Variants in AEN observed in about 807,000 individuals in gnomAD.
AEN encodes apoptosis-enhancing nuclease.
Under a neutral mutation model 17.7 loss-of-function variants are expected in AEN, and 21 were observed. The observed-to-expected ratio is 1.19, with a 90% confidence interval of 0.84 to 1.71. The LOEUF is 1.71. AEN is among the 40% of genes most tolerant of loss of function. The pLI, the probability that AEN is intolerant of heterozygous loss-of-function variation, is 0.00. For synonymous variants in AEN, 190 were observed against 173.0 expected (o/e 1.10, Z -0.77); for missense variants, 462 against 435.9 (o/e 1.06, Z -0.53).
the AEN span, among the ~76,000 whole-genome samples, chr15:88,605,336 G>A: frequency 6.6e-6 from 1 of 152,164 alleles, no homozygotes; most frequent in South Asian, 2.1e-4. This position sits in a 1 kb window ranked among gnomAD's most constrained non-coding sequence, Gnocchi z 7.6. Context: ...GCCGCCCCAA[G>A]CCCGCCGTCG....
upstream of AEN, among the ~76,000 whole-genome samples, chr15:88,620,461 A>T (rs533715979): frequency 6.6e-6 from 1 of 151,430 alleles, no homozygotes; most frequent in African/African-American, 2.4e-5. Context: ...CCCAGGCTGG[A>T]TGGAGTGCAA....
Position 88,630,469 on chromosome 15 carries a change from C to T in AEN, c.*175C>T. 1.6e-6 allele frequency: 1 copy of T among 617,074 alleles called. No individual in the cohort carries two copies. 38.2% of individuals were successfully genotyped at this position (617,074 alleles called of 1,614,324 possible). A position where few individuals can be genotyped will look rare whatever the true frequency, so the allele number is the denominator to read the frequency against. On this transcript the variant is annotated 3_prime_UTR_variant, in exon 4 of 4. Coordinates refer to ENST00000332810, the MANE Select transcript of AEN (RefSeq NM_022767.4). This position sits in a 1 kb window ranked among gnomAD's most constrained non-coding sequence, Gnocchi z 5.1. ...TGACACCCTCTGCACACAGCATAGCCCTCTCTCTCTCCAGGGCTGTTGGTT... is the reference window on the plus strand; with the variant it reads ...TGACACCCTCTGCACACAGCATAGCTCTCTCTCTCTCCAGGGCTGTTGGTT...
upstream of AEN, among the ~76,000 whole-genome samples, chr15:88,620,775 C>T (rs1051387222): frequency 2.0e-5 from 3 of 152,124 alleles, no homozygotes; most frequent in Non-Finnish European, 2.9e-5. Context: ...ACTCAGGATG[C>T]TTATGTGTTT....
At chr15:88,613,419 C>T in the AEN span, among the ~76,000 whole-genome samples, 2 of 152,196 alleles carry the variant, frequency 1.3e-5, no homozygotes, top group African/African-American at 4.8e-5. Flanking sequence ...TGTCACTCAG[C>T]AGGTATCTGT....
chr15:88,629,158 C>G, intron 2 of AEN, 68 bp from the exon 3 acceptor site: 1 of 1,517,374 alleles, frequency 6.6e-7, no homozygotes, highest in Non-Finnish European at 9.1e-7. Context: ...CAGGGGTTCT[C>G]AGGGCGTGTC....
the AEN span, among the ~76,000 whole-genome samples, chr15:88,611,662 T>A: frequency 1.3e-5 from 2 of 152,016 alleles, no homozygotes; most frequent in Non-Finnish European, 2.9e-5. Flanking sequence ...AAGGGAAAAG[T>A]AAGAAAAAAT....
At chr15:88,618,697 G>A (rs2057758031), upstream of AEN, among the ~76,000 whole-genome samples, 1 of 152,188 alleles carries the variant, frequency 6.6e-6, no homozygotes, top group Non-Finnish European at 1.5e-5. Context: ...GATAAACATT[G>A]TTTACATTAA....
intron 1 of AEN, among the ~76,000 whole-genome samples, chr15:88,622,139 T>C (rs1403667532): frequency 6.6e-6 from 1 of 152,156 alleles, no homozygotes; most frequent in Non-Finnish European, 1.5e-5. Context: ...TCTGACTTCT[T>C]GGTTCCTTTG....
Position 88,630,259 on chromosome 15 carries a change from G to A in AEN, c.943G>A (p.Gly315Arg). The A allele has an allele frequency of 6.3e-7, 1 of 1,593,074 alleles. No individual in the cohort carries two copies. ...WPDDLAHGSRGGAREAQDRRN is the reference protein window; with the variant it reads ...WPDDLAHGSRRGAREAQDRRN ...CGATGACCTGGCCCACGGCAGCAGA[G>A]GAGGAGCCAGGGAGGCACAGGACAG... The change falls in exon 4 of 4, where the codon GGA (glycine) becomes AGA (arginine). Residue 315 changes from glycine to arginine, a missense_variant. Transcript: ENST00000332810. This position sits in a 1 kb window ranked among gnomAD's most constrained non-coding sequence, Gnocchi z 5.1.
In AEN at chr15:88,626,588, A is replaced by G. The variant is rs1182142659; in HGVS notation, c.379A>G (p.Ser127Gly). 2 of 1,614,034 alleles carry G rather than the reference A, an allele frequency of 1.2e-6. No homozygotes were observed. The highest frequency in any genetic ancestry group is 1.7e-6 in the Non-Finnish European group (2 of 1,180,062). Residue 127 changes from serine to glycine, a missense_variant, in exon 2 of 4, where the codon AGC (serine) becomes GGC (glycine). By Grantham distance (56) the Ser-to-Gly change is moderately conservative (BLOSUM62 0). Coordinates refer to ENST00000332810, the MANE Select transcript of AEN (RefSeq NM_022767.4). ...MVGTGPRGRV[S>G]ELARCSIVSY... ...GGGCACGGGACCCCGAGGGCGGGTA[A>G]GCGAGCTGGCCCGCTGTTCCATTGT... is the stretch of plus-strand genomic sequence containing the variant.
chr15:88,623,973 A>G (rs530185870), intron 1 of AEN, among the ~76,000 whole-genome samples: 5 of 152,360 alleles, frequency 3.3e-5, no homozygotes, highest in Admixed American at 2.6e-4. Context: ...TTTGCCCCTA[A>G]CATGGCCACT....
At chr15:88,622,774 T>C (rs539107490) in intron 1 of AEN, among the ~76,000 whole-genome samples, 1 of 152,342 alleles carries the variant, frequency 6.6e-6, no homozygotes, top group East Asian at 1.9e-4. Flanking sequence ...GTTTTGGGTC[T>C]GGTGCGTGGC....
upstream of AEN, among the ~76,000 whole-genome samples, chr15:88,617,538 C>T (rs1049290534): frequency 1.3e-5 from 2 of 152,188 alleles, no homozygotes; most frequent in Non-Finnish European, 2.9e-5. Flanking sequence ...CAGGCGTGAG[C>T]CACAGCGCCC....
upstream of AEN, among the ~76,000 whole-genome samples, chr15:88,617,537 G>T (rs995435598): frequency 2.6e-5 from 4 of 152,214 alleles, no homozygotes; most frequent in Non-Finnish European, 4.4e-5. Context: ...ACAGGCGTGA[G>T]CCACAGCGCC....
At position 88,629,295 on chromosome 15, in the gene AEN, T is replaced by C. The variant is rs778360625; in HGVS notation, c.610T>C (p.Tyr204His). 6 of 1,614,072 alleles carry C rather than the reference T, an allele frequency of 3.7e-6. No individual in the cohort carries two copies. The highest frequency in any genetic ancestry group is 5.1e-6 in the Non-Finnish European group (6 of 1,179,994). Reference protein sequence around the residue: ...ALHNDFQALKYVHPRSQTRDT... With the variant: ...ALHNDFQALKHVHPRSQTRDT... The stretch of plus-strand genomic sequence containing the variant: ...GCACAACGACTTCCAGGCGCTCAAG[T>C]ATGTCCACCCTCGGAGCCAGACCCG... The change falls in exon 3 of 4, where the codon TAT (tyrosine) becomes CAT (histidine). Residue 204 changes from tyrosine (Y) to histidine (H), a missense_variant. Transcript: ENST00000332810.
At chr15:88,613,587 G>C in the AEN span, among the ~76,000 whole-genome samples, 5 of 90,376 alleles carry the variant, frequency 5.5e-5, no homozygotes, top group South Asian at 3.2e-4. Context: ...CAAGCATCTC[G>C]GGGGGGGATG....
chr15:88,626,253 C>T lies in AEN; in HGVS notation c.44C>T (p.Pro15Leu), dbSNP rs3743477. 87,489 of 1,611,698 alleles carry T rather than the reference C, an allele frequency of 0.054. 2,977 individuals carry two copies. Among genetic ancestry groups the T allele is most frequent in the African/African-American group, 0.12 (9,311 of 75,008 alleles). Residue 15 changes from proline to leucine, a missense_variant, in exon 2 of 4, where the codon CCT becomes CTT. Physicochemically the swap from Pro to Leu is moderately conservative, Grantham distance 98. Coordinates refer to ENST00000332810, the MANE Select transcript of AEN (RefSeq NM_022767.4). Reference protein sequence around the residue: ...EAPESAQCLCPSLTIPNAKDV... With the variant: ...EAPESAQCLCLSLTIPNAKDV... ...CCTGAGTCTGCTCAGTGCCTGTGCC[C>T]TTCCCTCACCATCCCAAATGCCAAG...
intron 3 of AEN, 39 bp downstream of exon 3, chr15:88,629,465 G>T (rs773339603): frequency 6.3e-7 from 1 of 1,599,378 alleles, no homozygotes; most frequent in Non-Finnish European, 8.5e-7. Context: ...AGGGAGGCCC[G>T]CCTGGCCTCC....
upstream of AEN, among the ~76,000 whole-genome samples, chr15:88,619,945 A>G (rs995910016): frequency 6.6e-6 from 1 of 151,970 alleles, no homozygotes; most frequent in Non-Finnish European, 1.5e-5. Flanking sequence ...GTCCTCATCC[A>G]TTCCTCTCTA....
Sources: gnomAD v4.1 joint callset for allele counts (sites outside exome capture counted in the v4.1 genomes callset) on GRCh38, gnomAD v4.1.1 for gene constraint, Gnocchi (gnomAD v3.1) non-coding constraint, MANE v1.5 for transcripts, NCBI Gene and HGNC (gene_info 2026-07-23, HGNC 2026-07-21) for gene names.